Variants in PCDHGA4 observed in about 807,000 individuals in gnomAD.
The protein encoded by PCDHGA4 is protocadherin gamma-A4.
PCDHGA4 carries 38 observed loss-of-function variants against 54.6 expected under a neutral mutation model. That is an observed-to-expected ratio of 0.70 (90% CI 0.54 to 0.91). The LOEUF is 0.91. Ranked by LOEUF, PCDHGA4 falls within the 40% of genes least tolerant of loss-of-function variation. The pLI is 0.00. For missense variants in PCDHGA4, 1,298 were observed against 1,220.9 expected (o/e 1.06, Z -0.94); for synonymous variants, 511 against 512.9 (o/e 1.00, Z 0.05).
At chr5:141,361,145 T>A in intron 1 of PCDHGA4, 1 of 1,613,964 alleles carries the variant, frequency 6.2e-7, no homozygotes, top group East Asian at 2.2e-5. Context: ...CAAGTTGAAA[T>A]TCTTGATGAC....
intron 1 of PCDHGA4, chr5:141,375,441 C>G (rs904228732): frequency 6.2e-7 from 1 of 1,614,030 alleles, no homozygotes. Context: ...CCCACCTTCC[C>G]CCATTCATCC....
intron 1 of PCDHGA4, chr5:141,427,689 A>C (rs3749765): frequency 0.15 from 132,103 of 873,882 alleles, 11,769 homozygotes; most frequent in African/African-American, 0.33. Flanking sequence ...CGGAGCCTCC[A>C]TCCCACAAGT....
intron 1 of PCDHGA4, chr5:141,364,326 A>T (rs1186255733): frequency 7.2e-6 from 11 of 1,528,198 alleles, no homozygotes; most frequent in Non-Finnish European, 9.6e-6. Context: ...GGCAGAGAGA[A>T]GGCAATGGCG....
rs546656566 is a variant in PCDHGA4, at chr5:141,389,499, G to C, written c.2514+31878G>C. 10 of 1,613,058 alleles carry C rather than the reference G, an allele frequency of 6.2e-6. No homozygotes were observed. The African/African-American group carries it at 1.1e-4, about 17-fold the overall frequency. On this transcript the variant is annotated intron_variant, in intron 1 of 3. Coordinates refer to ENST00000571252, the MANE Select transcript of PCDHGA4 (RefSeq NM_018917.4). ...GCAGGCCCGCGACCAGGGCTCGCCA[G>C]CGCTCAGCGCGAACGTGAGCCTGCG... is the stretch of plus-strand genomic sequence containing the variant.
intron 1 of PCDHGA4, chr5:141,383,722 G>C (rs752091789): frequency 1.2e-6 from 2 of 1,613,934 alleles, no homozygotes; most frequent in East Asian, 4.5e-5. Flanking sequence ...GGGAGTCAAT[G>C]GGGAAGTGAC....
At chr5:141,390,533 A>G (rs1589127549) in intron 1 of PCDHGA4, 1 of 529,950 alleles carries the variant, frequency 1.9e-6, no homozygotes. Context: ...GTGTGGTTTT[A>G]ACCACAAAGT....
intron 1 of PCDHGA4, among the ~76,000 whole-genome samples, chr5:141,458,436 C>T (rs2098945707): frequency 6.6e-6 from 1 of 152,056 alleles, no homozygotes; most frequent in Non-Finnish European, 1.5e-5. Context: ...AAGAGGAGGT[C>T]CCCCACATTA....
chr5:141,454,575 T>G (rs1430018751), intron 1 of PCDHGA4, among the ~76,000 whole-genome samples: 1 of 151,400 alleles, frequency 6.6e-6, no homozygotes, highest in African/African-American at 2.4e-5. Context: ...CCCGGCTAAT[T>G]TTGTATTTTT....
At chr5:141,447,214 A>G (rs2098530358) in intron 1 of PCDHGA4, among the ~76,000 whole-genome samples, 1 of 152,092 alleles carries the variant, frequency 6.6e-6, no homozygotes, top group Admixed American at 6.6e-5. Context: ...ATCTCGGCTC[A>G]CTGCAACCTC....
At chr5:141,383,622 C>G (rs780650375) in intron 1 of PCDHGA4, 19 of 1,613,798 alleles carry the variant, frequency 1.2e-5, no homozygotes, top group Admixed American at 3.3e-5. Flanking sequence ...ACACGCCTGT[C>G]TTCTCTCTGC....
At chr5:141,481,390 G>A (rs553179819) in intron 1 of PCDHGA4, among the ~76,000 whole-genome samples, 2 of 152,346 alleles carry the variant, frequency 1.3e-5, no homozygotes, top group East Asian at 3.9e-4. Context: ...TTGGAGGGAT[G>A]TGACAAAATT....
At chr5:141,429,361 A>G (rs2097205912) in intron 1 of PCDHGA4, among the ~76,000 whole-genome samples, 1 of 150,698 alleles carries the variant, frequency 6.6e-6, no homozygotes, top group East Asian at 1.9e-4. Context: ...AATGCATGAG[A>G]AAATGGAGAA....
At chr5:141,435,383 G>C (rs1057246190) in intron 1 of PCDHGA4, among the ~76,000 whole-genome samples, 4 of 151,898 alleles carry the variant, frequency 2.6e-5, no homozygotes, top group Admixed American at 2.0e-4. Flanking sequence ...ACAATATACC[G>C]TATTGCCATG....
rs375166529 is a variant in PCDHGA4, at chr5:141,399,734, C to G, written c.2514+42113C>G. The G allele has an allele frequency of 3.7e-6, 6 of 1,613,220 alleles. No homozygotes were observed. The African/African-American group carries it at 4.0e-5, about 11-fold the overall frequency. ...CTACAGGCCCGCGACCAGGGCTCGC[C>G]TGCGCTCAGCGCAAACGTGAGCCTG... On this transcript the variant is annotated intron_variant, in intron 1 of 3. Transcript: ENST00000571252.
intron 1 of PCDHGA4, chr5:141,388,516 C>T (rs755004350): frequency 4.3e-6 from 7 of 1,613,864 alleles, no homozygotes; most frequent in South Asian, 3.3e-5. Context: ...TACCACTTGA[C>T]TTTGACTGCC....
chr5:141,449,932 A>T (rs1275797555), intron 1 of PCDHGA4, among the ~76,000 whole-genome samples: 6 of 151,660 alleles, frequency 4.0e-5, no homozygotes, highest in Non-Finnish European at 5.9e-5. Flanking sequence ...CATACCTTAT[A>T]GTATATTTTA....
chr5:141,419,564 C>A (rs2096400387), intron 1 of PCDHGA4: 5 of 1,611,832 alleles, frequency 3.1e-6, no homozygotes, highest in Non-Finnish European at 4.2e-6. Context: ...TGCGCTGGGT[C>A]CCGACGGCTC....
At chr5:141,502,191 A>G (rs2099813218) in intron 2 of PCDHGA4, among the ~76,000 whole-genome samples, 1 of 152,170 alleles carries the variant, frequency 6.6e-6, no homozygotes, top group Non-Finnish European at 1.5e-5. Flanking sequence ...TAATACAATA[A>G]TATAGAATCC....
intron 1 of PCDHGA4, chr5:141,419,312 G>A (rs35892780): frequency 1.2e-6 from 2 of 1,613,962 alleles, no homozygotes; most frequent in South Asian, 2.2e-5. Context: ...CGGGCTCAAC[G>A]GCCGTGTCTC....
Sources: gnomAD v4.1 joint callset for allele counts (sites outside exome capture counted in the v4.1 genomes callset) on GRCh38, gnomAD v4.1.1 for gene constraint, MANE v1.5 for transcripts, NCBI Gene and HGNC (gene_info 2026-07-23, HGNC 2026-07-21) for gene names.